POLA1: variants seen among roughly 807,000 people sequenced by gnomAD.
POLA1 encodes DNA polymerase alpha catalytic subunit.
In POLA1, 15 loss-of-function variants were observed where a neutral mutation model predicts 124.0. The observed-to-expected ratio is 0.12, with a 90% CI of 0.08 to 0.19. POLA1 has a LOEUF of 0.19. POLA1 is among the 10% of genes least tolerant of loss of function. The probability of loss-of-function intolerance (pLI) is 1.00; values close to 1 mark genes in which losing one functional copy is unlikely to be tolerated. For synonymous variants in POLA1, 408 were observed against 389.4 expected (o/e 1.05, Z -0.56); for missense variants, 886 against 1,103.4 (o/e 0.80, Z 2.79).
At chrX:24,849,770 A>C (rs781152916) in intron 34 of POLA1, among the ~76,000 whole-genome samples, 19 of 109,912 alleles carry the variant, frequency 1.7e-4, no homozygotes, top group African/African-American at 6.3e-4. Flanking sequence ...AGCTGGGACT[A>C]CAGGCACCTG....
intron 26 of POLA1, among the ~76,000 whole-genome samples, chrX:24,788,078 TGATAC>T (rs1286384032): frequency 8.9e-6 from 1 of 112,443 alleles, no homozygotes; most frequent in Non-Finnish European, 1.9e-5. Context: ...CTAGTAAATG[TGATAC>T]ACCACATTAA....
Position 24,920,172 on chromosome X carries a change from A to T in POLA1, c.4165-10281A>T, listed in dbSNP as rs1180734203. On this transcript the variant is annotated intron_variant, in intron 35 of 36. Transcript: ENST00000379068. ...ACCCCCTCACCCCCCACAAATTTTG[A>T]CATATTTTTAATCAAAGGTGCAATT... Among the ~76,000 whole-genome samples the T allele has an allele frequency of 2.2e-4, 24 of 110,781 alleles. No individual in the cohort carries two copies. In the Admixed American group the frequency reaches 2.3e-3, roughly 11 times the overall value.
Position 24,703,268 on chromosome X carries a change from T to A in POLA1, c.186T>A (p.Gly62=). 1 of 1,200,233 alleles carries A rather than the reference T, an allele frequency of 8.3e-7. No homozygotes were observed. The highest frequency in any genetic ancestry group is 1.1e-6 in the Non-Finnish European group (1 of 886,290). Residue 62 remains glycine (G), a synonymous_variant, in exon 3 of 37, where the codon GGT becomes GGA. Coordinates refer to ENST00000379068, the MANE Select transcript of POLA1 (RefSeq NM_001330360.2). ...KYKYEVEDFT[G]VYEEVDEEQY... is the part of the protein sequence containing the mutation. Reference sequence around the variant, plus strand: ...AATGGTAGGTCGAGGACTTCACAGGTGTTTATGAAGAAGTTGATGAAGAAC... The same window carrying A: ...AATGGTAGGTCGAGGACTTCACAGGAGTTTATGAAGAAGTTGATGAAGAAC...
chrX:24,903,759 G>T (rs751920699), intron 35 of POLA1, among the ~76,000 whole-genome samples: 1 of 110,993 alleles, frequency 9.0e-6, no homozygotes, highest in South Asian at 3.8e-4. Context: ...AATTCTACCA[G>T]CATTTTGGTT....
rs752064597 is a variant in POLA1 at position 24,984,728 on chromosome X, C to G, written c.4262-11077C>G. 3.0e-5 allele frequency among the ~76,000 whole-genome samples: 3 copies of G among 100,181 alleles called. No individual in the cohort carries two copies. The South Asian group carries it at 1.5e-3, about 50-fold the overall frequency. The allele number at this position is 100,181 out of a possible 115,157, so 87.0% of individuals were successfully genotyped here. On this transcript the variant is annotated intron_variant, in intron 36 of 36. Coordinates refer to ENST00000379068, the MANE Select transcript of POLA1 (RefSeq NM_001330360.2). ...AGGCTGGAGTGCAGTGGCGCGATCT[C>G]GGCTCACTGCAAGCTCCGCCTCCCG...
chrX:24,870,452 T>C (rs2046849925), intron 34 of POLA1, among the ~76,000 whole-genome samples: 1 of 111,544 alleles, frequency 9.0e-6, no homozygotes, highest in Non-Finnish European at 1.9e-5. Flanking sequence ...AATGTAAATC[T>C]CTCTGCTGGC....
intron 26 of POLA1, among the ~76,000 whole-genome samples, chrX:24,801,920 GGTGGGTGTGTGTGTGTGTGT>G (rs2045712734): frequency 2.1e-5 from 1 of 47,512 alleles, no homozygotes; most frequent in Admixed American, 2.8e-4. Context: ...AGGAGAGGTG[GGTGGGTGTGTGTGTGTGTGT>G]GTGTGTGTGT....
At chrX:24,777,907 T>A (rs924433437) in intron 26 of POLA1, among the ~76,000 whole-genome samples, 3 of 112,438 alleles carry the variant, frequency 2.7e-5, no homozygotes, top group African/African-American at 6.5e-5. Context: ...AGGACTGGCT[T>A]AATGGTTCAG....
chrX:24,732,513 T>C, intron 16 of POLA1, 59 bp downstream of exon 16: 1 of 718,011 alleles, frequency 1.4e-6, no homozygotes, highest in Non-Finnish European at 2.2e-6. Flanking sequence ...CCTTATTTTT[T>C]CTCCAGCTAT....
At chrX:24,746,791 A>G (rs1427128674) in intron 24 of POLA1, among the ~76,000 whole-genome samples, 1 of 112,475 alleles carries the variant, frequency 8.9e-6, no homozygotes, top group Non-Finnish European at 1.9e-5. Flanking sequence ...ACTTGAAGAT[A>G]TTGATCTCTA....
At chrX:24,977,994 A>T (rs1054448740) in intron 36 of POLA1, among the ~76,000 whole-genome samples, 8 of 111,766 alleles carry the variant, frequency 7.2e-5, no homozygotes, top group African/African-American at 2.0e-4. Context: ...AGCCTTTGGG[A>T]GTAAGTCATC....
At chrX:24,962,482 A>G (rs2048178601) in intron 36 of POLA1, among the ~76,000 whole-genome samples, 1 of 112,244 alleles carries the variant, frequency 8.9e-6, no homozygotes, top group African/African-American at 3.2e-5. Context: ...ATCATAACTA[A>G]TATTTTATTG....
chrX:24,788,330 C>T, intron 26 of POLA1: 1 of 859,681 alleles, frequency 1.2e-6, no homozygotes, highest in Non-Finnish European at 1.5e-6. Context: ...ACTTTTACTA[C>T]TTCTTTTTTT....
At chrX:24,808,512 GTTTGT>G (rs1167059946) in intron 26 of POLA1, among the ~76,000 whole-genome samples, 1 of 33,620 alleles carries the variant, frequency 3.0e-5, no homozygotes, top group East Asian at 1.3e-3. Flanking sequence ...GCCAGATATT[GTTTGT>G]TTTTTTTTTT....
chrX:24,736,363 C>T (rs1187094860), intron 18 of POLA1, among the ~76,000 whole-genome samples: 3 of 111,511 alleles, frequency 2.7e-5, no homozygotes, highest in Non-Finnish European at 5.7e-5. Context: ...TTTAAAGTTC[C>T]AAAAAGATTC....
chrX:24,704,293 C>T (rs748825169), intron 3 of POLA1, 96 bp from the exon 4 acceptor site: 9 of 592,039 alleles, frequency 1.5e-5, no homozygotes, highest in Admixed American at 2.4e-5. Context: ...GCCAGGAAAA[C>T]ATCTGAGCAG....
intron 30 of POLA1, among the ~76,000 whole-genome samples, chrX:24,815,693 A>T (rs2045979984): frequency 8.9e-6 from 1 of 112,037 alleles, no homozygotes; most frequent in South Asian, 3.7e-4. Context: ...TTCCCATTTT[A>T]GTACCCTTAT....
intron 36 of POLA1, among the ~76,000 whole-genome samples, chrX:24,937,578 CTT>C (rs1432112028): frequency 9.0e-6 from 1 of 111,586 alleles, no homozygotes; most frequent in Non-Finnish European, 1.9e-5. Context: ...CCCAAACCAG[CTT>C]TTTTTCTCCG....
intron 20 of POLA1, 25 bp downstream of exon 20, chrX:24,739,575 T>A: frequency 9.8e-7 from 1 of 1,025,621 alleles, no homozygotes; most frequent in Non-Finnish European, 1.4e-6. Flanking sequence ...TCTTCAGAAT[T>A]CATCTGTCTT....
Sources: gnomAD v4.1 joint callset for allele counts (sites outside exome capture counted in the v4.1 genomes callset) on GRCh38, gnomAD v4.1.1 for gene constraint, MANE v1.5 for transcripts, NCBI Gene and HGNC (gene_info 2026-07-23, HGNC 2026-07-21) for gene names.